SGCD: variants seen among roughly 807,000 people sequenced by gnomAD.
The protein encoded by SGCD is delta-sarcoglycan.
A neutral mutation model predicts 36.6 loss-of-function variants in SGCD; 18 were observed. The observed-to-expected ratio is 0.49, with a 90% CI of 0.34 to 0.73. The LOEUF (loss-of-function observed/expected upper bound fraction) is 0.73, where lower values mean the gene tolerates loss of function less well. Among genes scored for constraint, SGCD ranks in the 30% least tolerant of loss-of-function variants. The pLI is 0.01. For missense variants in SGCD, 387 were observed against 346.7 expected (o/e 1.12, Z -0.92); for synonymous variants, 133 against 130.6 (o/e 1.02, Z -0.12).
intron 1 of SGCD, among the ~76,000 whole-genome samples, chr5:156,048,920 G>A (rs1487897882): frequency 1.3e-5 from 2 of 151,622 alleles, no homozygotes; most frequent in Non-Finnish European, 2.9e-5. Context: ...CCTGAATGGT[G>A]TTGCCTAGGT....
At chr5:156,648,200 A>G (rs39924) in intron 7 of SGCD, among the ~76,000 whole-genome samples, 119,396 of 151,882 alleles carry the variant, frequency 0.79, 47,714 homozygotes, top group South Asian at 0.89. Flanking sequence ...TGAAACAAAT[A>G]GAACTATTCT....
chr5:156,570,323 C>T (rs377276092), intron 4 of SGCD, among the ~76,000 whole-genome samples: 1 of 152,196 alleles, frequency 6.6e-6, no homozygotes, highest in East Asian at 1.9e-4. Flanking sequence ...GAGCTCTACA[C>T]ATCCATTAGT....
intron 2 of SGCD, among the ~76,000 whole-genome samples, chr5:156,119,340 G>A (rs896608255): frequency 6.6e-6 from 1 of 152,096 alleles, no homozygotes; most frequent in African/African-American, 2.4e-5. Flanking sequence ...TCAGTTCTGA[G>A]TTTGAATCCC....
At chr5:156,683,858 C>T (rs1315694514) in intron 7 of SGCD, among the ~76,000 whole-genome samples, 1 of 152,122 alleles carries the variant, frequency 6.6e-6, no homozygotes. Flanking sequence ...CACACAGAGA[C>T]ATCTAATGGA....
intron 1 of SGCD, among the ~76,000 whole-genome samples, chr5:156,037,585 C>G (rs1759530222): frequency 6.6e-6 from 1 of 152,190 alleles, no homozygotes; most frequent in Non-Finnish European, 1.5e-5. Context: ...TGTGTTCCAT[C>G]TTTAAAGATT....
the SGCD span, among the ~76,000 whole-genome samples, chr5:155,842,874 G>A: frequency 7.5e-3 from 1,143 of 152,110 alleles, 17 homozygotes; most frequent in African/African-American, 0.026. Context: ...TTAATATCAG[G>A]GCATCATCTC....
rs1162998173 is a variant in SGCD at position 156,051,678 on chromosome 5, G to C, written c.-281-66200G>C. Among the ~76,000 whole-genome samples the C allele has an allele frequency of 2.7e-5, 4 of 146,174 alleles. 1 individual carries two copies. The highest frequency in any genetic ancestry group is 4.6e-5 in the Non-Finnish European group (3 of 64,902). ...TATAAACTAGAGGGGAAGGCAGACA[G>C]AAAAAGTAAAAAACTAAACAAACAA... On this transcript the variant is annotated intron_variant, in intron 1 of 9. Coordinates refer to the SGCD transcript ENST00000517913.
intron 1 of SGCD, among the ~76,000 whole-genome samples, chr5:156,098,159 C>A (rs928292959): frequency 2.6e-5 from 4 of 152,210 alleles, no homozygotes; most frequent in Admixed American, 2.6e-4. Context: ...TCAATGTGGG[C>A]CTTTTCCAGT....
At position 155,963,003 on chromosome 5, in the gene SGCD, G is replaced by C. The variant is rs74685960; in HGVS notation, c.-282+92579G>C. ...AGAAAATCTGACTCCATTCAAAGCA[G>C]GTCTCCGTTTGATTATCCAGTTTAG... is the stretch of plus-strand genomic sequence containing the variant. On this transcript the variant is annotated intron_variant, in intron 1 of 9. Coordinates refer to the SGCD transcript ENST00000517913. Among the ~76,000 whole-genome samples the C allele has an allele frequency of 3.0e-3, 456 of 152,188 alleles. 4 individuals are homozygous for C. Among genetic ancestry groups the C allele is most frequent in the African/African-American group, 9.9e-3 (413 of 41,536 alleles).
intron 3 of SGCD, among the ~76,000 whole-genome samples, chr5:156,236,587 C>A (rs576874251): frequency 4.1e-4 from 62 of 150,424 alleles, no homozygotes; most frequent in African/African-American, 1.4e-3. Flanking sequence ...GTAGCTGGGA[C>A]TACAGGCACC....
intron 3 of SGCD, among the ~76,000 whole-genome samples, chr5:156,474,166 T>C (rs116492681): frequency 0.02 from 3,113 of 152,224 alleles, 35 homozygotes; most frequent in Non-Finnish European, 0.032. Context: ...CATTTTTGGG[T>C]AGAGGCCAGA....
At chr5:156,757,546 A>C in intron 7 of SGCD, 35 bp from the exon 8 acceptor site, 1 of 1,305,320 alleles carries the variant, frequency 7.7e-7, no homozygotes, top group Non-Finnish European at 1.1e-6. Context: ...AAAAAGAAAA[A>C]GGGATCTTTA....
At chr5:156,420,515 T>G (rs1298758584) in intron 3 of SGCD, among the ~76,000 whole-genome samples, 2 of 152,144 alleles carry the variant, frequency 1.3e-5, no homozygotes, top group Admixed American at 1.3e-4. Flanking sequence ...ACAGGACTGT[T>G]AATTTTTTTT....
In SGCD at chr5:156,166,480, C is replaced by T. The variant is rs75982848; in HGVS notation, c.-44+42461C>T. Among the ~76,000 whole-genome samples the T allele has an allele frequency of 7.5e-3, 1,146 of 152,310 alleles. 53 individuals are homozygous for T. The East Asian group carries it at 0.16, about 21-fold the overall frequency. On this transcript the variant is annotated intron_variant, in intron 3 of 9. Coordinates refer to the SGCD transcript ENST00000517913. ...TACAGATGCCAGACACCACGCCTGG[C>T]TAATTTTGTTTTTGTATTTTTGGTA...
intron 1 of SGCD, among the ~76,000 whole-genome samples, chr5:156,099,349 C>T (rs1207503328): frequency 6.6e-6 from 1 of 152,204 alleles, no homozygotes; most frequent in Non-Finnish European, 1.5e-5. Flanking sequence ...TACCCAAATG[C>T]ATTTCCCCAT....
chr5:156,024,459 C>G (rs1400207874), intron 1 of SGCD, among the ~76,000 whole-genome samples: 2 of 151,954 alleles, frequency 1.3e-5, no homozygotes, highest in Non-Finnish European at 2.9e-5. Context: ...ACCTAGTTGT[C>G]TGGCCTCTAG....
chr5:155,999,195 T>G (rs896047388), intron 1 of SGCD, among the ~76,000 whole-genome samples: 1 of 151,986 alleles, frequency 6.6e-6, no homozygotes, highest in Non-Finnish European at 1.5e-5. Context: ...CACCCCAGGG[T>G]TTTCAGTAGA....
intron 1 of SGCD, among the ~76,000 whole-genome samples, chr5:155,913,071 T>G (rs908228301): frequency 8.5e-5 from 13 of 152,176 alleles, no homozygotes; most frequent in African/African-American, 3.1e-4. Flanking sequence ...TTTCAAACTT[T>G]TTTCTCTTTT....
chr5:156,307,300 C>T (rs990879091), intron 3 of SGCD, among the ~76,000 whole-genome samples: 2 of 152,126 alleles, frequency 1.3e-5, no homozygotes, highest in Non-Finnish European at 2.9e-5. Flanking sequence ...TCCACCTTGG[C>T]CTCCTAAAGT....
Sources: allele counts gnomAD v4.1 joint callset (sites outside exome capture counted in the v4.1 genomes callset), GRCh38; gene constraint gnomAD v4.1.1; transcripts MANE v1.5; gene names NCBI Gene and HGNC (gene_info 2026-07-23, HGNC 2026-07-21).